The following IQCB1 variants were observed in gnomAD, a reference collection of about 807,000 sequenced individuals.
The protein encoded by IQCB1 is IQ calmodulin-binding motif-containing protein 1.
Under a neutral mutation model 84.4 loss-of-function variants are expected in IQCB1, and 56 were observed. The ratio of observed to expected loss-of-function variants is 0.66; its 90% CI spans 0.54 to 0.83. The LOEUF (loss-of-function observed/expected upper bound fraction) is 0.83, where lower values mean the gene tolerates loss of function less well. Among genes scored for constraint, IQCB1 ranks in the 40% least tolerant of loss-of-function variants. The pLI is 0.00. For synonymous variants in IQCB1, 210 were observed against 234.8 expected (o/e 0.89, Z 0.96); for missense variants, 629 against 682.1 (o/e 0.92, Z 0.87).
chr3:121,777,718 T>C (rs1948286525), intron 13 of IQCB1, among the ~76,000 whole-genome samples: 1 of 152,214 alleles, frequency 6.6e-6, no homozygotes, highest in Admixed American at 6.5e-5. Flanking sequence ...CAACAGTGTG[T>C]AAGTGTTCCC....
Position 121,797,219 on chromosome 3 carries a change from G to A in IQCB1, c.775C>T (p.Arg259Cys), listed in dbSNP as rs778777181. The change falls in exon 9 of 15, where the codon CGT becomes TGT. Residue 259 changes from arginine to cysteine, a missense_variant. Coordinates refer to ENST00000310864, the MANE Select transcript of IQCB1 (RefSeq NM_001023570.4). ...CCAGTTTCCTGTTTACTTAGTAGAC[G>A]TCTGAGTCCTGAAATGGAATAGCAA... is the stretch of plus-strand genomic sequence containing the variant. Reference protein sequence around the residue: ...RQSTCYKGLRRLLSKQETGTE... With the variant: ...RQSTCYKGLRCLLSKQETGTE... 1.3e-4 allele frequency: 207 copies of A among 1,547,810 alleles called. 6 individuals are homozygous for A. In the South Asian group the frequency reaches 2.2e-3, roughly 16 times the overall value.
intron 13 of IQCB1, among the ~76,000 whole-genome samples, chr3:121,775,703 A>AT (rs1489086464): frequency 6.6e-6 from 1 of 151,804 alleles, no homozygotes; most frequent in Non-Finnish European, 1.5e-5. Context: ...GGACCCCTAA[A>AT]TTTTTTTTTA....
At chr3:121,787,747 C>T (rs980517151) in intron 12 of IQCB1, among the ~76,000 whole-genome samples, 1 of 108,844 alleles carries the variant, frequency 9.2e-6, no homozygotes, top group Non-Finnish European at 1.9e-5. Context: ...AAGAATCCGT[C>T]TCAAAAAAAA....
At position 121,797,156 on chromosome 3, in the gene IQCB1, G is replaced by T; in HGVS notation, c.838C>A (p.Leu280Ile). ...TCCTGATAGACCATTGGGCTTAAAA[G>T]GCCAACAAGCTGTCTAAGTTCTTGA... ...FSQELRQLVG[L>I]LSPMVYQEVE... The change falls in exon 9 of 15, where the codon CTT becomes ATT. Residue 280 changes from leucine (L) to isoleucine (I), a missense_variant. Transcript: ENST00000310864. 6.2e-7 allele frequency: 1 copy of T among 1,609,148 alleles called. No homozygotes were observed. Among genetic ancestry groups the T allele is most frequent in the Non-Finnish European group, 8.5e-7 (1 of 1,176,808 alleles).
chr3:121,788,233 CT>C (rs1948813822), intron 12 of IQCB1, 50 bp downstream of exon 12: 1 of 1,571,316 alleles, frequency 6.4e-7, no homozygotes, highest in Middle Eastern at 1.7e-4. Flanking sequence ...CAGTTTTGAA[CT>C]CATGTTTTTG....
At chr3:121,802,875 C>T (rs1949461808) in intron 7 of IQCB1, among the ~76,000 whole-genome samples, 1 of 152,048 alleles carries the variant, frequency 6.6e-6, no homozygotes, top group African/African-American at 2.4e-5. Context: ...TATTTCCATT[C>T]ATTTAAAAAT....
At chr3:121,785,986 C>G (rs7612211) in intron 12 of IQCB1, among the ~76,000 whole-genome samples, 94,682 of 147,572 alleles carry the variant, frequency 0.64, 30,830 homozygotes, top group African/African-American at 0.71. Context: ...CTGGAGAACA[C>G]AGTGAGACTT....
At position 121,799,286 on chromosome 3, in the gene IQCB1, T is replaced by C. The variant is rs779536655; in HGVS notation, c.676A>G (p.Ile226Val). 1 of 1,608,186 alleles carries C rather than the reference T, an allele frequency of 6.2e-7. No individual in the cohort carries two copies. Among genetic ancestry groups the C allele is most frequent in the East Asian group, 2.2e-5 (1 of 44,756 alleles). The part of the protein sequence containing the change: ...FKLFSTPSPV[I>V]RSTATKLLLL... ...AGGAGTTTTGTAGCAGTACTTCTTA[T>C]AACTGGACTAGGAGTTGAAAAAAGC... The change falls in exon 8 of 15, where the codon ATA (isoleucine) becomes GTA (valine). Residue 226 changes from isoleucine to valine, a missense_variant. Physicochemically the swap from Ile to Val is conservative, Grantham distance 29. Coordinates refer to ENST00000310864, the MANE Select transcript of IQCB1 (RefSeq NM_001023570.4).
intron 5 of IQCB1, among the ~76,000 whole-genome samples, chr3:121,815,668 C>T (rs1470237141): frequency 2.0e-4 from 30 of 151,798 alleles, no homozygotes; most frequent in Admixed American, 2.0e-3. Context: ...TTGCTACAAA[C>T]AGAATAAAAT....
intron 3 of IQCB1, 36 bp from the exon 4 acceptor site, chr3:121,828,668 C>T (rs1559804449): frequency 2.1e-6 from 3 of 1,438,110 alleles, no homozygotes; most frequent in Non-Finnish European, 2.9e-6. Flanking sequence ...TTTATTTTTG[C>T]TTAATACATC....
At chr3:121,788,973 A>T (rs1172584971) in intron 11 of IQCB1, among the ~76,000 whole-genome samples, 2 of 152,242 alleles carry the variant, frequency 1.3e-5, no homozygotes, top group Non-Finnish European at 2.9e-5. Flanking sequence ...AGAAACTGAT[A>T]TAATTTAATG....
At chr3:121,788,944 GC>G (rs1948847870) in intron 11 of IQCB1, among the ~76,000 whole-genome samples, 1 of 152,158 alleles carries the variant, frequency 6.6e-6, no homozygotes, top group Non-Finnish European at 1.5e-5. Context: ...AAAAAGGGGG[GC>G]GTATTTGGGG....
intron 5 of IQCB1, among the ~76,000 whole-genome samples, chr3:121,822,580 T>G (rs1041300798): frequency 6.6e-6 from 1 of 152,142 alleles, no homozygotes; most frequent in Non-Finnish European, 1.5e-5. Flanking sequence ...CTGAAAGAAA[T>G]TACCAGCAAT....
rs753285017 is a variant in IQCB1, at chr3:121,799,408, A to T, written c.588-34T>A. On this transcript the variant is annotated intron_variant, in intron 7 of 14. Transcript: ENST00000310864. ...ACAAAATAAAAAAAAAAGTACCATT[A>T]CTAATTGATGTACAGGTATCACAAC... The T allele has an allele frequency of 2.6e-5, 33 of 1,281,742 alleles. No homozygotes were observed. The East Asian group carries it at 7.0e-4, about 27-fold the overall frequency. 79.4% of individuals were successfully genotyped at this position (1,281,742 alleles called of 1,614,324 possible).
Position 121,826,167 on chromosome 3 carries a change from C to A in IQCB1, c.277G>T (p.Gly93Cys). 1 of 1,613,814 alleles carries A rather than the reference C, an allele frequency of 6.2e-7. No homozygotes were observed. The highest frequency in any genetic ancestry group is 1.7e-4 in the Middle Eastern group (1 of 6,060). ...LTQILSHCCV[G>C]LEPGEDAEEF... ...TCTGCATCTTCTCCTGGCTCCAAGCCCACACAGCAATGGCTGAAATAAGAG... is the reference window on the plus strand; with the variant it reads ...TCTGCATCTTCTCCTGGCTCCAAGCACACACAGCAATGGCTGAAATAAGAG... The change falls in exon 5 of 15, where the codon GGC becomes TGC. Residue 93 changes from glycine (G) to cysteine (C), a missense_variant. Physicochemically the swap from Gly to Cys is radical, Grantham distance 159. Transcript: ENST00000310864.
At chr3:121,831,180 T>TTTTTTTTTTTTG (rs2108649249) in intron 2 of IQCB1, among the ~76,000 whole-genome samples, 1 of 26,656 alleles carries the variant, frequency 3.8e-5, no homozygotes, top group East Asian at 3.8e-4. Flanking sequence ...TATCCTAGTA[T>TTTTTTTTTTTTG]TTTTTTTTGG....
intron 3 of IQCB1, 96 bp from the exon 4 acceptor site, chr3:121,828,728 A>G (rs2108643728): frequency 9.5e-7 from 1 of 1,050,938 alleles, no homozygotes; most frequent in Non-Finnish European, 1.4e-6. Context: ...AAAATATATT[A>G]GAAGGAAAAA....
intron 12 of IQCB1, among the ~76,000 whole-genome samples, chr3:121,784,653 C>T (rs1055815039): frequency 7.2e-5 from 11 of 152,028 alleles, no homozygotes; most frequent in Admixed American, 3.3e-4. Flanking sequence ...CACTAAGAAG[C>T]GGTTTAGAAA....
At position 121,770,587 on chromosome 3, in the gene IQCB1, G is replaced by A. The variant is rs768429924; in HGVS notation, c.1568-13C>T. 8 of 1,595,732 alleles carry A rather than the reference G, an allele frequency of 5.0e-6. No individual in the cohort carries two copies. The Admixed American group carries it at 1.3e-4, about 27-fold the overall frequency. On this transcript the variant is annotated splice_polypyrimidine_tract_variant and intron_variant, in intron 14 of 14. Coordinates refer to ENST00000310864, the MANE Select transcript of IQCB1 (RefSeq NM_001023570.4). ...AGACTTGGTGCCTCTGTAGTGGACAGAAAATAAACAGATGAGCAGAAGAGT... is the reference window on the plus strand; with the variant it reads ...AGACTTGGTGCCTCTGTAGTGGACAAAAAATAAACAGATGAGCAGAAGAGT...
Sources: gnomAD v4.1 joint callset for allele counts (sites outside exome capture counted in the v4.1 genomes callset) on GRCh38, gnomAD v4.1.1 for gene constraint, MANE v1.5 for transcripts, NCBI Gene and HGNC (gene_info 2026-07-23, HGNC 2026-07-21) for gene names.